AP3M2: variants seen among roughly 807,000 people sequenced by gnomAD.
The protein encoded by AP3M2 is adaptor related protein complex 3 subunit mu 2.
A neutral mutation model predicts 41.6 loss-of-function variants in AP3M2; 28 were observed. That is an observed-to-expected ratio of 0.67 (90% CI 0.50 to 0.92). AP3M2 has a LOEUF of 0.92. Among genes scored for constraint, AP3M2 ranks in the 40% least tolerant of loss-of-function variants. The pLI, the probability that AP3M2 is intolerant of heterozygous loss-of-function variation, is 0.00. For missense variants in AP3M2, 427 were observed against 521.4 expected (o/e 0.82, Z 1.76); for synonymous variants, 193 against 186.4 (o/e 1.04, Z -0.29).
intron 7 of AP3M2, 60 bp from the exon 8 acceptor site, chr8:42,167,606 A>C (rs1047853459): frequency 6.4e-7 from 1 of 1,566,012 alleles, no homozygotes; most frequent in Non-Finnish European, 8.6e-7. Flanking sequence ...CCTCAAATGC[A>C]GGATTCTGCT....
intron 4 of AP3M2, 83 bp downstream of exon 4, chr8:42,162,501 C>T: frequency 6.7e-7 from 1 of 1,482,360 alleles, no homozygotes; most frequent in Non-Finnish European, 9.1e-7. Context: ...CAGAATTAAC[C>T]CCCATTCAAG....
chr8:42,155,670 T>G (rs2150956753), intron 2 of AP3M2: 1 of 197,244 alleles, frequency 5.1e-6, no homozygotes, highest in Non-Finnish European at 1.1e-5. Context: ...GGCCCTGGAT[T>G]CACACAGAGG....
chr8:42,164,754 T>C (rs1804595169), intron 4 of AP3M2, among the ~76,000 whole-genome samples: 1 of 152,228 alleles, frequency 6.6e-6, no homozygotes. Context: ...AAAATAATGA[T>C]GCTCTGTTTA....
chr8:42,165,718 C>A, intron 6 of AP3M2, 158 bp downstream of exon 6: 1 of 704,316 alleles, frequency 1.4e-6, no homozygotes, highest in Non-Finnish European at 2.3e-6. Flanking sequence ...TTGCTTAACC[C>A]CTATGTATCT....
chr8:42,160,027 C>T (rs1253200683), intron 3 of AP3M2, among the ~76,000 whole-genome samples: 1 of 150,696 alleles, frequency 6.6e-6, no homozygotes, highest in Non-Finnish European at 1.5e-5. Flanking sequence ...TGTGTCCTAC[C>T]AGATATCAGA....
At chr8:42,159,913 C>T (rs537387144) in intron 3 of AP3M2, among the ~76,000 whole-genome samples, 1 of 152,190 alleles carries the variant, frequency 6.6e-6, no homozygotes, top group Admixed American at 6.5e-5. Context: ...TATCACGACA[C>T]GTTAAGTTTG....
intron 4 of AP3M2, among the ~76,000 whole-genome samples, chr8:42,164,155 G>T (rs550174708): frequency 6.6e-6 from 1 of 152,210 alleles, no homozygotes; most frequent in Non-Finnish European, 1.5e-5. Context: ...GTGAGTCCTC[G>T]AAAAGAAAGG....
intron 6 of AP3M2, among the ~76,000 whole-genome samples, chr8:42,166,392 T>C (rs1159468629): frequency 1.3e-5 from 2 of 152,048 alleles, no homozygotes; most frequent in Non-Finnish European, 2.9e-5. Context: ...GGAACTGTTA[T>C]TACTTCAGGG....
intron 1 of AP3M2, 37 bp from the exon 2 acceptor site, chr8:42,154,579 G>T: frequency 6.7e-7 from 1 of 1,491,114 alleles, no homozygotes. Flanking sequence ...GGGCCTTTTG[G>T]TTGAATGGAA....
At chr8:42,158,257 T>A in intron 3 of AP3M2, 145 bp downstream of exon 3, 5 of 858,458 alleles carry the variant, frequency 5.8e-6, no homozygotes, top group Non-Finnish European at 6.8e-6. Context: ...GTTGTTTTTT[T>A]TTTTTTTTTG....
intron 3 of AP3M2, among the ~76,000 whole-genome samples, chr8:42,158,830 G>A (rs1420111185): frequency 1.4e-5 from 2 of 145,444 alleles, no homozygotes; most frequent in African/African-American, 5.1e-5. Context: ...GTCTTGCTCT[G>A]TTGCCCAGGA....
intron 4 of AP3M2, among the ~76,000 whole-genome samples, chr8:42,164,154 C>T (rs192390682): frequency 2.6e-5 from 4 of 152,166 alleles, no homozygotes; most frequent in East Asian, 1.9e-4. Flanking sequence ...GGTGAGTCCT[C>T]GAAAAGAAAG....
At chr8:42,154,492 A>G in intron 1 of AP3M2, 124 bp from the exon 2 acceptor site, 1 of 671,892 alleles carries the variant, frequency 1.5e-6, no homozygotes, top group East Asian at 2.8e-5. Context: ...GGCTATCTTC[A>G]GGCTCATGCA....
At chr8:42,166,820 C>G (rs769545943) in intron 6 of AP3M2, 71 of 267,950 alleles carry the variant, frequency 2.6e-4, no homozygotes, top group Non-Finnish European at 4.4e-4. Context: ...TATTATACTC[C>G]CCAGTGCAAA....
chr8:42,155,040 T>A, intron 2 of AP3M2, 80 bp downstream of exon 2: 1 of 1,187,838 alleles, frequency 8.4e-7, no homozygotes. Context: ...AAAGCCTCCA[T>A]TAAGAAACTT....
At chr8:42,156,989 C>T (rs891588189) in intron 2 of AP3M2, among the ~76,000 whole-genome samples, 3 of 152,244 alleles carry the variant, frequency 2.0e-5, no homozygotes, top group African/African-American at 7.2e-5. Flanking sequence ...ATGATCAGAG[C>T]CATTCATGAA....
intron 3 of AP3M2, among the ~76,000 whole-genome samples, chr8:42,159,377 C>T (rs1804445449): frequency 6.6e-6 from 1 of 152,086 alleles, no homozygotes; most frequent in Non-Finnish European, 1.5e-5. Flanking sequence ...CTGTAGTGAA[C>T]CCTGTTATTG....
rs547311245 is a variant in AP3M2 at position 42,161,481 on chromosome 8, C to T, written c.446-800C>T. ...AAAATTAGCCGGATGTGGTGGCACG[C>T]GCCTGTAGTCCCAGCTACTCGGGAG... On this transcript the variant is annotated intron_variant, in intron 3 of 8. Coordinates refer to ENST00000396926, the MANE Select transcript of AP3M2 (RefSeq NM_006803.4). Among the ~76,000 whole-genome samples, 7 of 151,658 alleles carry T rather than the reference C, an allele frequency of 4.6e-5. No homozygotes were observed. In the East Asian group the frequency reaches 5.8e-4, roughly 13 times the overall value.
intron 6 of AP3M2, chr8:42,166,922 T>G: frequency 2.0e-6 from 1 of 505,784 alleles, no homozygotes; most frequent in Non-Finnish European, 3.6e-6. Flanking sequence ...TAGTGTACTT[T>G]TTGATTTTGT....
Sources: gnomAD v4.1 joint callset for allele counts (sites outside exome capture counted in the v4.1 genomes callset) on GRCh38, gnomAD v4.1.1 for gene constraint, MANE v1.5 for transcripts, NCBI Gene and HGNC (gene_info 2026-07-23, HGNC 2026-07-21) for gene names.